NUP205: variants seen among roughly 807,000 people sequenced by gnomAD.
NUP205 encodes the protein nuclear pore complex protein Nup205.
Under a neutral mutation model 253.8 loss-of-function variants are expected in NUP205, and 76 were observed. That is an observed-to-expected ratio of 0.30 (90% CI 0.25 to 0.36). The LOEUF (loss-of-function observed/expected upper bound fraction) is 0.36. Ranked by LOEUF, NUP205 falls within the 10% of genes least tolerant of loss-of-function variation. The pLI is 1.00. For missense variants in NUP205, 2,162 were observed against 2,425.5 expected (o/e 0.89, Z 2.28); for synonymous variants, 832 against 850.1 (o/e 0.98, Z 0.37).
rs1268962438 is a variant in NUP205 at position 135,591,546 on chromosome 7, C to T, written c.1570C>T (p.Pro524Ser). 1.9e-6 allele frequency: 3 copies of T among 1,613,954 alleles called. No homozygotes were observed. In the South Asian group the frequency reaches 3.3e-5, roughly 18 times the overall value. Residue 524 changes from proline (P) to serine (S), a missense_variant, in exon 11 of 43, where the codon CCT becomes TCT. By Grantham distance (74) the Pro-to-Ser change is moderately conservative. Around this residue, in one of 5 missense-constraint regions of NUP205, gnomAD observed 892 missense variants for 957.1 expected, o/e 0.93. Coordinates refer to ENST00000285968, the MANE Select transcript of NUP205 (RefSeq NM_015135.3). The stretch of plus-strand genomic sequence containing the variant: ...GATGCTCCAGGGATTGGCCAATGGG[C>T]CTCAGTGTGCCCACTACTGTTTCAG... Reference protein sequence around the residue: ...LKMLQGLANGPQCAHYCFSLL... With the variant: ...LKMLQGLANGSQCAHYCFSLL...
chr7:135,579,049 C>G, intron 7 of NUP205, 134 bp downstream of exon 7: 1 of 592,010 alleles, frequency 1.7e-6, no homozygotes, highest in Non-Finnish European at 2.7e-6. Flanking sequence ...TAAATGAAAC[C>G]TTTAGTGTAG....
chr7:135,629,531 T>TCTCTGTCTCTC (rs1563136039), intron 34 of NUP205, among the ~76,000 whole-genome samples: 1 of 92,420 alleles, frequency 1.1e-5, no homozygotes, highest in Non-Finnish European at 2.3e-5. Flanking sequence ...CTGTCTCTCT[T>TCTCTGTCTCTC]TTTTTTTTTT....
intron 35 of NUP205, among the ~76,000 whole-genome samples, chr7:135,631,917 T>C (rs1228206566): frequency 6.6e-6 from 1 of 151,974 alleles, no homozygotes; most frequent in Non-Finnish European, 1.5e-5. Flanking sequence ...GCCTGGCTAA[T>C]TTTTTGTATT....
chr7:135,594,125 ATGT>A (rs1793763014), intron 12 of NUP205, among the ~76,000 whole-genome samples: 1 of 152,174 alleles, frequency 6.6e-6, no homozygotes, highest in Admixed American at 6.5e-5. Flanking sequence ...AATGAAAAAA[ATGT>A]TGTGATACTT....
chr7:135,591,664 A>G (rs1363725275), intron 11 of NUP205, 64 bp downstream of exon 11: 1 of 1,422,978 alleles, frequency 7.0e-7, no homozygotes, highest in Non-Finnish European at 9.7e-7. Flanking sequence ...GTATCCCACT[A>G]CCTATTAAGA....
intron 1 of NUP205, among the ~76,000 whole-genome samples, chr7:135,562,262 T>G (rs1353166381): frequency 6.6e-6 from 1 of 152,110 alleles, no homozygotes; most frequent in African/African-American, 2.4e-5. Context: ...GGTGGTGTGA[T>G]CTCAGCTCAC....
intron 23 of NUP205, 126 bp downstream of exon 23, chr7:135,614,399 G>T: frequency 1.5e-5 from 9 of 580,684 alleles, no homozygotes; most frequent in Non-Finnish European, 2.7e-5. Context: ...GTTATTTTGG[G>T]TTCTTTTTGT....
Position 135,622,941 on chromosome 7 carries a change from T to C in NUP205, c.4479+16T>C, listed in dbSNP as rs1563133256. ...GATTGGAAGGGTAAAGCAACTCTTA[T>C]TTAGTATTATAATTGAATAAGTATT... On this transcript the variant is annotated intron_variant, in intron 31 of 42. Transcript: ENST00000285968. 2 of 1,611,152 alleles carry C rather than the reference T, an allele frequency of 1.2e-6. No individual in the cohort carries two copies. Among genetic ancestry groups the C allele is most frequent in the African/African-American group, 1.3e-5 (1 of 74,764 alleles).
intron 3 of NUP205, among the ~76,000 whole-genome samples, chr7:135,574,888 T>C (rs1806110075): frequency 6.6e-6 from 1 of 152,196 alleles, no homozygotes; most frequent in Admixed American, 6.5e-5. Context: ...TTAATATGTC[T>C]AAAGATAATA....
In NUP205 at chr7:135,557,950, G is replaced by T. The variant is rs762375284; in HGVS notation, c.6G>T (p.Ala2=). 1 of 1,613,814 alleles carries T rather than the reference G, an allele frequency of 6.2e-7. No individual in the cohort carries two copies. Among genetic ancestry groups the T allele is most frequent in the Non-Finnish European group, 8.5e-7 (1 of 1,179,684 alleles). Residue 2 remains alanine, a synonymous_variant, in exon 1 of 43, where the codon GCG becomes GCT. Transcript: ENST00000285968. The part of the protein sequence containing the change: M[A]TPLAVNSAAS... ...TCTGTTAGTGCGCCTCTAAGATGGC[G>T]ACGCCTTTGGCGGTAAATTCGGGTA...
intron 1 of NUP205, among the ~76,000 whole-genome samples, chr7:135,569,394 C>T (rs750770801): frequency 3.9e-5 from 6 of 152,058 alleles, no homozygotes; most frequent in Non-Finnish European, 4.4e-5. Context: ...TTTGAAATAC[C>T]TAAATTCTTC....
intron 35 of NUP205, among the ~76,000 whole-genome samples, chr7:135,631,477 A>C (rs1042711445): frequency 1.3e-5 from 2 of 152,220 alleles, no homozygotes; most frequent in African/African-American, 4.8e-5. Flanking sequence ...ATTTTGAATC[A>C]GTTAACTCCC....
intron 33 of NUP205, among the ~76,000 whole-genome samples, chr7:135,627,196 T>G (rs1310555782): frequency 6.6e-6 from 1 of 152,204 alleles, no homozygotes; most frequent in East Asian, 1.9e-4. Context: ...AGGCAGCCAT[T>G]TTTTTGGTCT....
At chr7:135,601,535 G>A (rs924897403) in intron 17 of NUP205, 28 bp downstream of exon 17, 2 of 1,594,708 alleles carry the variant, frequency 1.3e-6, no homozygotes, top group African/African-American at 1.4e-5. Flanking sequence ...TTCATGTCTT[G>A]CAAACAGCTT....
Position 135,648,418 on chromosome 7 carries a change from A to G in NUP205, c.5901A>G (p.Ala1967=). The G allele has an allele frequency of 6.3e-7, 1 of 1,590,378 alleles. No individual in the cohort carries two copies. The highest frequency in any genetic ancestry group is 1.2e-5 in the South Asian group (1 of 86,444). ...QHDLDQLQAD[A]INAFGESLQK... ...GTCACCGCTAGCTTCAGGCTGATGC[A>G]ATCAACGCTTTTGGAGAATCACTAC... is the stretch of plus-strand genomic sequence containing the variant. Residue 1967 remains alanine (A), a synonymous_variant, in exon 43 of 43, where the codon GCA becomes GCG. Coordinates refer to ENST00000285968, the MANE Select transcript of NUP205 (RefSeq NM_015135.3).
chr7:135,609,104 C>CAAAAAAA (rs1163880987), intron 22 of NUP205, among the ~76,000 whole-genome samples: 4 of 66,182 alleles, frequency 6.0e-5, no homozygotes, highest in Non-Finnish European at 1.2e-4. Context: ...AACTCCGTCT[C>CAAAAAAA]AAAAAAAAAA....
chr7:135,645,039 C>T, intron 40 of NUP205, 21 bp downstream of exon 40: 1 of 1,612,836 alleles, frequency 6.2e-7, no homozygotes, highest in Non-Finnish European at 8.5e-7. Context: ...TGAAATCATG[C>T]ACTTGAATGA....
Position 135,619,648 on chromosome 7 carries a change from T to A in NUP205, c.4189T>A (p.Tyr1397Asn), listed in dbSNP as rs775621523. Residue 1397 changes from tyrosine (Y) to asparagine (N), a missense_variant, in exon 29 of 43, where the codon TAC (tyrosine) becomes AAC (asparagine). Around this residue, in one of 5 missense-constraint regions of NUP205, gnomAD observed 1,144 missense variants for 1,280.9 expected, o/e 0.89. Transcript: ENST00000285968. ...GFASIGDSSL[Y>N]IILKKLLDFI... ...TGCTTCTATTGGAGATTCTTCACTT[T>A]ACATCATATTGAAGAAACTGTTAGA... 5 of 1,614,024 alleles carry A rather than the reference T, an allele frequency of 3.1e-6. No individual in the cohort carries two copies. Among genetic ancestry groups the A allele is most frequent in the Non-Finnish European group, 4.2e-6 (5 of 1,179,956 alleles).
chr7:135,619,328 C>A (rs531861901), intron 28 of NUP205, 95 bp from the exon 29 acceptor site: 21 of 1,309,606 alleles, frequency 1.6e-5, no homozygotes, highest in Middle Eastern at 5.5e-4. Context: ...GGTGACAGAG[C>A]GAGACCCTGT....
Sources: allele counts gnomAD v4.1 joint callset (sites outside exome capture counted in the v4.1 genomes callset), GRCh38; gene constraint gnomAD v4.1.1; regional missense constraint gnomAD v4.1.1; transcripts MANE v1.5; gene names NCBI Gene and HGNC (gene_info 2026-07-23, HGNC 2026-07-21).